The following CFAP299 variants were observed in gnomAD, a reference collection of about 807,000 sequenced individuals.
CFAP299 encodes cilia- and flagella-associated protein 299.
CFAP299 carries 21 observed loss-of-function variants against 27.0 expected under a neutral mutation model. The observed-to-expected ratio is 0.78, with a 90% CI of 0.55 to 1.12. CFAP299 has a LOEUF of 1.12. Among genes scored for constraint, CFAP299 ranks in the 50% most tolerant of loss-of-function variants. CFAP299 has a pLI of 0.00. For synonymous variants in CFAP299, 104 were observed against 98.1 expected, an observed-to-expected ratio of 1.06 and a Z score of -0.36; for missense variants, 310 against 276.6, an observed-to-expected ratio of 1.12 and a Z score of -0.86.
At chr4:80,923,033 G>A (rs1331665925) in intron 4 of CFAP299, among the ~76,000 whole-genome samples, 1 of 151,856 alleles carries the variant, frequency 6.6e-6, no homozygotes, top group African/African-American at 2.4e-5. Flanking sequence ...TCTACATGCT[G>A]GCTATTTGCT....
At chr4:80,770,323 T>A (rs1287439392) in intron 3 of CFAP299, among the ~76,000 whole-genome samples, 1 of 152,170 alleles carries the variant, frequency 6.6e-6, no homozygotes, top group Non-Finnish European at 1.5e-5. Flanking sequence ...CAACTCCTAA[T>A]CTCTTGAAAT....
intron 3 of CFAP299, among the ~76,000 whole-genome samples, chr4:80,609,307 T>C (rs982359044): frequency 5.9e-5 from 9 of 152,112 alleles, no homozygotes; most frequent in African/African-American, 2.2e-4. Flanking sequence ...GGAGCTTCTT[T>C]CTGTGATATT....
At chr4:80,324,414 G>A in the CFAP299 span, among the ~76,000 whole-genome samples, 1 of 152,106 alleles carries the variant, frequency 6.6e-6, no homozygotes, top group Non-Finnish European at 1.5e-5. Flanking sequence ...TCCACTAATT[G>A]GCTCGTAAAA....
At chr4:80,923,994 G>A (rs1736174594) in intron 4 of CFAP299, among the ~76,000 whole-genome samples, 1 of 151,992 alleles carries the variant, frequency 6.6e-6, no homozygotes, top group South Asian at 2.1e-4. Flanking sequence ...GCTTTGAAAT[G>A]ATCTCATTGA....
At chr4:80,591,797 C>T (rs1007458346) in intron 3 of CFAP299, among the ~76,000 whole-genome samples, 4 of 152,196 alleles carry the variant, frequency 2.6e-5, no homozygotes, top group Non-Finnish European at 4.4e-5. Context: ...TTGGGAGATA[C>T]TGCAGGACCA....
chr4:80,857,021 T>C (rs1196459162), intron 3 of CFAP299, among the ~76,000 whole-genome samples: 1 of 152,128 alleles, frequency 6.6e-6, no homozygotes, highest in Non-Finnish European at 1.5e-5. Flanking sequence ...CGATATTGAT[T>C]CTTCCTACCC....
At chr4:80,859,041 G>T (rs1415327053) in intron 3 of CFAP299, among the ~76,000 whole-genome samples, 2 of 152,146 alleles carry the variant, frequency 1.3e-5, no homozygotes, top group African/African-American at 4.8e-5. Context: ...ATGTGTGGGA[G>T]TCTAAGTCTC....
chr4:80,519,439 TC>T (rs1305198352), intron 2 of CFAP299, among the ~76,000 whole-genome samples: 3 of 152,274 alleles, frequency 2.0e-5, no homozygotes, highest in Admixed American at 6.5e-5. Flanking sequence ...ACTCCTGATC[TC>T]AAGTGATCCA....
chr4:80,419,137 G>A (rs951256899), intron 2 of CFAP299, among the ~76,000 whole-genome samples: 2 of 152,188 alleles, frequency 1.3e-5, no homozygotes, highest in Admixed American at 6.5e-5. Context: ...TAGAGCAAGA[G>A]CGAAAGTTTG....
At chr4:80,328,407 G>A in the CFAP299 span, among the ~76,000 whole-genome samples, 129 of 151,930 alleles carry the variant, frequency 8.5e-4, no homozygotes, top group African/African-American at 2.9e-3. Context: ...GAGAATTGGA[G>A]GACATAGGTT....
intron 2 of CFAP299, among the ~76,000 whole-genome samples, chr4:80,553,752 G>A (rs1421902545): frequency 6.6e-6 from 1 of 152,146 alleles, no homozygotes; most frequent in Non-Finnish European, 1.5e-5. Flanking sequence ...CAAATGGTCA[G>A]TGATACTGAG....
chr4:80,681,355 A>G (rs1182001684), intron 3 of CFAP299, among the ~76,000 whole-genome samples: 1 of 152,144 alleles, frequency 6.6e-6, no homozygotes, highest in Non-Finnish European at 1.5e-5. Context: ...ATGAAAGACA[A>G]GCTGTACCCA....
chr4:80,860,810 C>T (rs1239955568), intron 3 of CFAP299, among the ~76,000 whole-genome samples: 1 of 152,176 alleles, frequency 6.6e-6, no homozygotes, highest in Non-Finnish European at 1.5e-5. Context: ...AGGTGTCAGT[C>T]TGCCCCTACT....
intron 3 of CFAP299, among the ~76,000 whole-genome samples, chr4:80,792,272 G>T (rs1394147766): frequency 2.0e-5 from 3 of 152,002 alleles, no homozygotes; most frequent in African/African-American, 7.2e-5. Flanking sequence ...GTATTTGCAG[G>T]GGTCAGGCAG....
rs185112506 is a variant in CFAP299, at chr4:80,453,638, C to T, written c.242+90754C>T. Among the ~76,000 whole-genome samples, 100 of 151,752 alleles carry T rather than the reference C, an allele frequency of 6.6e-4. 1 individual carries two copies. The East Asian group carries it at 0.016, about 24-fold the overall frequency. On this transcript the variant is annotated intron_variant, in intron 2 of 5. Transcript: ENST00000358105. ...GGTGGATCATTTGAGGTCAGGAGTT[C>T]GAGACCAGCCTGGCCAACATGGTGA...
intron 4 of CFAP299, among the ~76,000 whole-genome samples, chr4:80,913,180 G>A (rs1363020507): frequency 6.6e-6 from 1 of 152,152 alleles, no homozygotes; most frequent in African/African-American, 2.4e-5. Context: ...TAAGGTTCCA[G>A]ATAAAAAGAA....
intron 4 of CFAP299, among the ~76,000 whole-genome samples, chr4:80,902,341 T>C (rs1287296210): frequency 2.0e-5 from 3 of 146,698 alleles, no homozygotes; most frequent in Non-Finnish European, 4.5e-5. Flanking sequence ...ATTTTATCCA[T>C]ATATATGGAT....
chr4:80,401,234 A>G (rs77267741), intron 2 of CFAP299, among the ~76,000 whole-genome samples: 3 of 152,238 alleles, frequency 2.0e-5, no homozygotes, highest in Non-Finnish European at 4.4e-5. Flanking sequence ...AGAAATTTGC[A>G]TAAGTAGCAA....
chr4:80,526,081 A>G (rs1733159864), intron 2 of CFAP299, among the ~76,000 whole-genome samples: 2 of 152,168 alleles, frequency 1.3e-5, no homozygotes, highest in African/African-American at 4.8e-5. Flanking sequence ...TCTAAAGTGA[A>G]AACAGTACAT....
Sources: gnomAD v4.1 joint callset for allele counts (sites outside exome capture counted in the v4.1 genomes callset) on GRCh38, gnomAD v4.1.1 for gene constraint, MANE v1.5 for transcripts, NCBI Gene and HGNC (gene_info 2026-07-23, HGNC 2026-07-21) for gene names.